The following PNO1 variants were observed in gnomAD, a reference collection of about 807,000 sequenced individuals.
PNO1 encodes the protein partner of NOB1 homolog.
In PNO1, 16 loss-of-function variants were observed where a neutral mutation model predicts 28.4. The ratio of observed to expected loss-of-function variants is 0.56; its 90% CI spans 0.38 to 0.85. The LOEUF is 0.85. PNO1 is among the 40% of genes least tolerant of loss of function. The pLI is 0.00. For synonymous variants in PNO1, 115 were observed against 110.8 expected (o/e 1.04, Z -0.24); for missense variants, 304 against 312.2 (o/e 0.97, Z 0.20).
At position 68,161,663 on chromosome 2, in the gene PNO1, C is replaced by A. The variant is rs766753648; in HGVS notation, c.358-20C>A. ...TTTGATTCTCAACGGTATTTTGTAC[C>A]CTTTTTTGTTTTTTAACAGACTTGT... On this transcript the variant is annotated intron_variant, in intron 2 of 6. Coordinates refer to ENST00000263657, the MANE Select transcript of PNO1 (RefSeq NM_020143.4). The A allele has an allele frequency of 6.9e-7, 1 of 1,449,816 alleles. No individual in the cohort carries two copies. The highest frequency in any genetic ancestry group is 9.7e-7 in the Non-Finnish European group (1 of 1,032,752). 89.8% of individuals were successfully genotyped at this position (1,449,816 alleles called of 1,614,324 possible). A position where few individuals can be genotyped will look rare whatever the true frequency, so the allele number is the denominator to read the frequency against.
At chr2:68,167,144 C>T (rs1357955317) in intron 5 of PNO1, among the ~76,000 whole-genome samples, 1 of 152,166 alleles carries the variant, frequency 6.6e-6, no homozygotes, top group Non-Finnish European at 1.5e-5. Flanking sequence ...TTCTTTCCAT[C>T]GAGTTCTCTT....
In PNO1 at chr2:68,158,545, A is replaced by G. The variant is rs1426542022; in HGVS notation, c.357+16A>G. ...AGAAATCAGGGTAAGGAAAATCTCA[A>G]TCATTTCCCAATACACCAGGCTTTC... On this transcript the variant is annotated intron_variant, in intron 2 of 6. Transcript: ENST00000263657. The G allele has an allele frequency of 2.5e-6, 4 of 1,604,376 alleles. No homozygotes were observed. The highest frequency in any genetic ancestry group is 3.4e-6 in the Non-Finnish European group (4 of 1,174,886).
At position 68,162,606 on chromosome 2, in the gene PNO1, G is replaced by GA; in HGVS notation, c.568dup (p.Thr190AsnfsTer17). The GA allele has an allele frequency of 6.2e-7, 1 of 1,613,966 alleles. No individual in the cohort carries two copies. Among genetic ancestry groups the GA allele is most frequent in the Non-Finnish European group, 8.5e-7 (1 of 1,179,898 alleles). On this transcript the variant is annotated frameshift_variant, in exon 5 of 7. Transcript: ENST00000263657. LOFTEE classifies it high-confidence loss of function. The stretch of plus-strand genomic sequence containing the variant: ...ATAGGAAGAATCGCTGGCAAAGGAG[G>GA]AAAAACCAAATTCACCATAGAGAAT...
In PNO1 at chr2:68,173,404, C is replaced by T. The variant is rs1244481771; in HGVS notation, c.678C>T (p.Cys226=). 2 of 1,596,142 alleles carry T rather than the reference C, an allele frequency of 1.3e-6. No homozygotes were observed. The highest frequency in any genetic ancestry group is 1.7e-6 in the Non-Finnish European group (2 of 1,163,836). The change falls in exon 6 of 7, where the codon TGC becomes TGT. Residue 226 remains cysteine, a synonymous_variant. Coordinates refer to ENST00000263657, the MANE Select transcript of PNO1 (RefSeq NM_020143.4). ...QNIKMARTAI[C]NLILGNPPSK... ...TCAAGATGGCAAGAACTGCCATTTG[C>T]AACCTAATCTTGGGTAATAGCAGTT...
At chr2:68,174,520 G>GT (rs1674221524) in intron 6 of PNO1, among the ~76,000 whole-genome samples, 1 of 152,096 alleles carries the variant, frequency 6.6e-6, no homozygotes, top group Non-Finnish European at 1.5e-5. Context: ...CATTTGCATT[G>GT]TATTAGGTAT....
intron 2 of PNO1, chr2:68,161,073 T>G (rs1333097282): frequency 2.6e-6 from 1 of 380,080 alleles, no homozygotes; most frequent in Non-Finnish European, 5.4e-6. Context: ...AAGGTTAGAG[T>G]TATGGTGTGT....
chr2:68,174,357 C>T (rs1193503605), intron 6 of PNO1, among the ~76,000 whole-genome samples: 1 of 133,654 alleles, frequency 7.5e-6, no homozygotes, highest in Non-Finnish European at 1.6e-5. Context: ...GTTCTAGACC[C>T]TTTTTCACGT....
At chr2:68,165,860 C>G (rs753753041) in intron 5 of PNO1, among the ~76,000 whole-genome samples, 3 of 152,068 alleles carry the variant, frequency 2.0e-5, no homozygotes, top group Non-Finnish European at 4.4e-5. Flanking sequence ...CAATAAAATT[C>G]TATTGTTTTA....
intron 2 of PNO1, among the ~76,000 whole-genome samples, chr2:68,160,536 T>C (rs949364355): frequency 6.6e-6 from 1 of 152,232 alleles, no homozygotes; most frequent in African/African-American, 2.4e-5. Flanking sequence ...TATTGTCCTA[T>C]TTATTGCAGG....
At chr2:68,160,053 C>T (rs904869457) in intron 2 of PNO1, among the ~76,000 whole-genome samples, 1 of 149,690 alleles carries the variant, frequency 6.7e-6, no homozygotes, top group Non-Finnish European at 1.5e-5. Context: ...ACTGCAAGCT[C>T]CGCCTCCTGG....
rs766445254 is a variant in PNO1 at position 68,157,961 on chromosome 2, C to G, written c.27C>G (p.Ser9Arg). Residue 9 changes from serine (S) to arginine (R), a missense_variant, in exon 1 of 7, where the codon AGC (serine) becomes AGG (arginine). Transcript: ENST00000263657. MESEMETQ[S>R]ARAEEGFTQV... Reference sequence around the variant, plus strand: ...TGGAATCCGAAATGGAAACGCAGAGCGCCAGGGCAGAGGAGGGCTTTACCC... The same window carrying G: ...TGGAATCCGAAATGGAAACGCAGAGGGCCAGGGCAGAGGAGGGCTTTACCC... 6.2e-7 allele frequency: 1 copy of G among 1,614,060 alleles called. No individual in the cohort carries two copies. Among genetic ancestry groups the G allele is most frequent in the South Asian group, 1.1e-5 (1 of 91,088 alleles).
Position 68,175,669 on chromosome 2 carries a change from AG to A in PNO1, c.*868del, listed in dbSNP as rs1674260217. 1 of 151,996 alleles carries A rather than the reference AG, an allele frequency of 6.6e-6. No homozygotes were observed. The highest frequency in any genetic ancestry group is 2.4e-5 in the African/African-American group (1 of 41,356). 9.4% of individuals were successfully genotyped at this position (151,996 alleles called of 1,614,324 possible). A position where few individuals can be genotyped will look rare whatever the true frequency, so the allele number is the denominator to read the frequency against. ...TGGAACCTGTTTTGCAGTTTCTTGC[AG>A]TTTCAAAAATTAAAGACCTACATCA... On this transcript the variant is annotated 3_prime_UTR_variant, in exon 7 of 7. Transcript: ENST00000263657.
rs1674265274 is a variant in PNO1, at chr2:68,175,784, A to G, written c.*982A>G. 1 of 152,244 alleles carries G rather than the reference A, an allele frequency of 6.6e-6. No individual in the cohort carries two copies. The highest frequency in any genetic ancestry group is 1.5e-5 in the Non-Finnish European group (1 of 68,038). The allele number at this position is 152,244 out of a possible 1,614,324, so 9.4% of individuals were successfully genotyped here. ...ATGTTGGGTATACAGATGCTTCTCAACTTATGATGGGTTTAGGTCCAGATA... is the reference window on the plus strand; with the variant it reads ...ATGTTGGGTATACAGATGCTTCTCAGCTTATGATGGGTTTAGGTCCAGATA... On this transcript the variant is annotated 3_prime_UTR_variant, in exon 7 of 7. Coordinates refer to ENST00000263657, the MANE Select transcript of PNO1 (RefSeq NM_020143.4).
Position 68,162,247 on chromosome 2 carries a change from TTTG to T in PNO1, c.442-15_442-13del, listed in dbSNP as rs1323263181. 3 of 1,597,776 alleles carry T rather than the reference TTTG, an allele frequency of 1.9e-6. No homozygotes were observed. The African/African-American group carries it at 4.0e-5, about 21-fold the overall frequency. On this transcript the variant is annotated splice_polypyrimidine_tract_variant and intron_variant, in intron 3 of 6. Transcript: ENST00000263657. Reference sequence around the variant, plus strand: ...TGCAAATGGAAGGGGCTTCACGGTGTTTGTTTTTATATTATAGGATGCACTTGC... The same window carrying T: ...TGCAAATGGAAGGGGCTTCACGGTGTTTTTTATATTATAGGATGCACTTGC...
chr2:68,162,301 C>T lies in PNO1; in HGVS notation c.478C>T (p.Leu160=), dbSNP rs985115413. Residue 160 remains leucine (L), a synonymous_variant, in exon 4 of 7, where the codon CTA becomes TTA. Coordinates refer to ENST00000263657, the MANE Select transcript of PNO1 (RefSeq NM_020143.4). Reference sequence around the variant, plus strand: ...CCTCATCAGGTTGGATGACCTCTTCCTAGAGTCTTTTGAAATTACAGATGG... The same window carrying T: ...CCTCATCAGGTTGGATGACCTCTTCTTAGAGTCTTTTGAAATTACAGATGG... ...LALIRLDDLF[L]ESFEITDVKP... The T allele has an allele frequency of 3.1e-6, 5 of 1,613,044 alleles. No homozygotes were observed. Among genetic ancestry groups the T allele is most frequent in the Admixed American group, 1.7e-5 (1 of 59,948 alleles).
intron 5 of PNO1, 123 bp from the exon 6 acceptor site, chr2:68,173,224 C>T: frequency 1.5e-6 from 1 of 666,940 alleles, no homozygotes; most frequent in Non-Finnish European, 2.7e-6. Context: ...ATTATGCTGT[C>T]CAGGCTTGTC....
At chr2:68,166,918 A>C (rs1481696928) in intron 5 of PNO1, among the ~76,000 whole-genome samples, 1 of 152,204 alleles carries the variant, frequency 6.6e-6, no homozygotes, top group Admixed American at 6.5e-5. Flanking sequence ...CGTGATCCAT[A>C]TCTTGAAACC....
In PNO1 at chr2:68,162,581, A is replaced by G. The variant is rs1156496253; in HGVS notation, c.538A>G (p.Ile180Val). The part of the protein sequence containing the change: ...PLKGDHLSRA[I>V]GRIAGKGGKT... ...AAAGGGAGACCATCTATCCAGGGCA[A>G]TAGGAAGAATCGCTGGCAAAGGAGG... The change falls in exon 5 of 7, where the codon ATA (isoleucine) becomes GTA (valine). Residue 180 changes from isoleucine to valine, a missense_variant. Coordinates refer to ENST00000263657, the MANE Select transcript of PNO1 (RefSeq NM_020143.4). 6 of 1,613,746 alleles carry G rather than the reference A, an allele frequency of 3.7e-6. No individual in the cohort carries two copies. The Admixed American group carries it at 5.0e-5, about 13-fold the overall frequency.
intron 5 of PNO1, among the ~76,000 whole-genome samples, chr2:68,163,038 CA>C (rs1342138505): frequency 1.3e-5 from 2 of 152,164 alleles, no homozygotes; most frequent in African/African-American, 4.8e-5. Flanking sequence ...GAATGTGTAT[CA>C]CCTTTGCACC....
Sources: allele counts gnomAD v4.1 joint callset (sites outside exome capture counted in the v4.1 genomes callset), GRCh38; gene constraint gnomAD v4.1.1; transcripts MANE v1.5; gene names NCBI Gene and HGNC (gene_info 2026-07-23, HGNC 2026-07-21).